Variants in BICC1 observed in about 807,000 individuals in gnomAD.
BICC1 encodes protein bicaudal C homolog 1.
A neutral mutation model predicts 111.0 loss-of-function variants in BICC1; 43 were observed. That is an observed-to-expected ratio of 0.39 (90% CI 0.30 to 0.50). The LOEUF (loss-of-function observed/expected upper bound fraction) is 0.50, where lower values mean the gene tolerates loss of function less well. BICC1 is among the 20% of genes least tolerant of loss of function. The pLI is 0.88. For missense variants in BICC1, 1,091 were observed against 1,203.2 expected (o/e 0.91, Z 1.38); for synonymous variants, 467 against 434.4 (o/e 1.07, Z -0.93).
In BICC1 at chr10:58,806,477, C is replaced by T. The variant is rs563585382; in HGVS notation, c.2182-107C>T. 1,893 of 956,392 alleles carry T rather than the reference C, an allele frequency of 2.0e-3. 2 individuals carry two copies. Among genetic ancestry groups the T allele is most frequent in the Non-Finnish European group, 2.1e-3 (1,250 of 592,482 alleles). 59.2% of individuals were successfully genotyped at this position (956,392 alleles called of 1,614,324 possible). The stretch of plus-strand genomic sequence containing the variant: ...ATTGTGCAAAGCTTGGTGTATGTCT[C>T]AGGCAGATTCATGGAACACAGTCAA... On this transcript the variant is annotated intron_variant, in intron 15 of 20. Transcript: ENST00000373886.
intron 2 of BICC1, among the ~76,000 whole-genome samples, chr10:58,677,601 G>A (rs958389093): frequency 1.3e-5 from 2 of 152,198 alleles, no homozygotes; most frequent in Admixed American, 1.3e-4. Context: ...TGGGGAGAAT[G>A]GAACCAAGTT....
At chr10:58,526,685 T>A (rs1195343207) in intron 1 of BICC1, among the ~76,000 whole-genome samples, 5 of 152,224 alleles carry the variant, frequency 3.3e-5, no homozygotes, top group Non-Finnish European at 5.9e-5. Flanking sequence ...GGTGTTTGGT[T>A]TTCTGTCCTT....
chr10:58,765,117 C>T (rs1341375242), intron 3 of BICC1, among the ~76,000 whole-genome samples: 1 of 152,056 alleles, frequency 6.6e-6, no homozygotes, highest in Non-Finnish European at 1.5e-5. Context: ...CAGTCTTGCT[C>T]TGTTGCCCAG....
At chr10:58,549,168 A>C (rs986145164) in intron 1 of BICC1, among the ~76,000 whole-genome samples, 1 of 151,724 alleles carries the variant, frequency 6.6e-6, no homozygotes, top group South Asian at 2.1e-4. Context: ...TCTCCTATGA[A>C]TAGTATTCTA....
chr10:58,582,515 AC>A (rs1487921397), intron 1 of BICC1, among the ~76,000 whole-genome samples: 2 of 152,192 alleles, frequency 1.3e-5, no homozygotes, highest in Non-Finnish European at 2.9e-5. Context: ...AGCTTCAGTT[AC>A]TATCCACTTA....
At position 58,789,947 on chromosome 10, in the gene BICC1, A is replaced by C; in HGVS notation, c.1047+14A>C. 6.2e-7 allele frequency: 1 copy of C among 1,612,832 alleles called. No homozygotes were observed. Among genetic ancestry groups the C allele is most frequent in the Non-Finnish European group, 8.5e-7 (1 of 1,179,326 alleles). ...CAATATCTCATGGTAAGGTTACTGA[A>C]ATAAGTGTTACAATTTTTTTAAACC... On this transcript the variant is annotated intron_variant, in intron 8 of 20. Coordinates refer to ENST00000373886, the MANE Select transcript of BICC1 (RefSeq NM_001080512.3).
chr10:58,531,408 C>T (rs1459974684), intron 1 of BICC1, among the ~76,000 whole-genome samples: 1 of 151,826 alleles, frequency 6.6e-6, no homozygotes, highest in Admixed American at 6.6e-5. Context: ...TGAGAGACCG[C>T]CAGAATCTCT....
At chr10:58,764,216 A>G (rs146704397) in intron 3 of BICC1, among the ~76,000 whole-genome samples, 19 of 152,316 alleles carry the variant, frequency 1.2e-4, no homozygotes, top group African/African-American at 4.1e-4. Context: ...TGAAAGCTTA[A>G]TTAGACAAAT....
chr10:58,723,310 C>T (rs1245183970), intron 3 of BICC1, among the ~76,000 whole-genome samples: 1 of 152,100 alleles, frequency 6.6e-6, no homozygotes, highest in Non-Finnish European at 1.5e-5. Context: ...AAAGTCATCT[C>T]CTGGGAGAAT....
intron 2 of BICC1, among the ~76,000 whole-genome samples, chr10:58,694,168 C>T (rs1840000179): frequency 6.6e-6 from 1 of 152,152 alleles, no homozygotes; most frequent in Non-Finnish European, 1.5e-5. Context: ...GATTTCATTT[C>T]CAGCATTGTC....
At position 58,814,672 on chromosome 10, in the gene BICC1, A is replaced by G. The variant is rs1051847910; in HGVS notation, c.2533+686A>G. On this transcript the variant is annotated intron_variant, in intron 18 of 20. Transcript: ENST00000373886. ...TGGGTGTGGTGGTATGCATGCGCCA[A>G]TAGTCTTAGCCTACGTGGGAGACTG... 1.1e-3 allele frequency among the ~76,000 whole-genome samples: 168 copies of G among 151,328 alleles called. 3 individuals are homozygous for G. The highest frequency in any genetic ancestry group is 3.9e-3 in the African/African-American group (161 of 41,272).
At chr10:58,746,972 T>A (rs1841852594) in intron 3 of BICC1, among the ~76,000 whole-genome samples, 1 of 152,122 alleles carries the variant, frequency 6.6e-6, no homozygotes, top group Admixed American at 6.6e-5. Context: ...GGCTTTCTCC[T>A]TTCCCTCCAT....
intron 3 of BICC1, among the ~76,000 whole-genome samples, chr10:58,767,792 A>G (rs1467274951): frequency 6.6e-6 from 1 of 152,010 alleles, no homozygotes; most frequent in African/African-American, 2.4e-5. Context: ...GAACCAAACA[A>G]CTTCTGAAGC....
chr10:58,642,883 A>G (rs970685451), intron 2 of BICC1, among the ~76,000 whole-genome samples: 2 of 151,608 alleles, frequency 1.3e-5, no homozygotes, highest in South Asian at 2.1e-4. Flanking sequence ...TTTTTTTACT[A>G]TTTTTGTAGA....
At chr10:58,769,354 TGTG>T (rs1376319430) in intron 3 of BICC1, among the ~76,000 whole-genome samples, 5 of 146,538 alleles carry the variant, frequency 3.4e-5, no homozygotes, top group African/African-American at 1.2e-4. Flanking sequence ...ATATGTTGAT[TGTG>T]GTAATAGTTT....
At chr10:58,784,801 A>G (rs1373726284) in intron 3 of BICC1, among the ~76,000 whole-genome samples, 200 bp from the exon 4 acceptor site, 1 of 152,190 alleles carries the variant, frequency 6.6e-6, no homozygotes, top group East Asian at 1.9e-4. Context: ...AGTCACAGAT[A>G]AATGAAAACG....
intron 3 of BICC1, among the ~76,000 whole-genome samples, chr10:58,711,107 C>A (rs1462433046): frequency 6.6e-6 from 1 of 152,142 alleles, no homozygotes; most frequent in East Asian, 1.9e-4. Flanking sequence ...CTCAGCCTCC[C>A]AAAGTATTAG....
chr10:58,707,246 GT>G lies in BICC1; in HGVS notation c.307+5107del, dbSNP rs201688242. ...GCATGAGAAAAATAGTAGACAGTTC[GT>G]TTTGTTTTTTCCAGAAGAAAATGTT... is the stretch of plus-strand genomic sequence containing the variant. On this transcript the variant is annotated intron_variant, in intron 3 of 20. Coordinates refer to ENST00000373886, the MANE Select transcript of BICC1 (RefSeq NM_001080512.3). Among the ~76,000 whole-genome samples the G allele has an allele frequency of 6.6e-3, 998 of 152,274 alleles. 9 individuals are homozygous for G. Among genetic ancestry groups the G allele is most frequent in the Non-Finnish European group, 8.4e-3 (568 of 68,008 alleles).
intron 1 of BICC1, among the ~76,000 whole-genome samples, chr10:58,555,453 A>G (rs1321041133): frequency 6.6e-6 from 1 of 152,000 alleles, no homozygotes; most frequent in African/African-American, 2.4e-5. Context: ...TAAAAACATC[A>G]ATATAAATAG....
Sources: gnomAD v4.1 joint callset for allele counts (sites outside exome capture counted in the v4.1 genomes callset) on GRCh38, gnomAD v4.1.1 for gene constraint, MANE v1.5 for transcripts, NCBI Gene and HGNC (gene_info 2026-07-23, HGNC 2026-07-21) for gene names.